The following PRKN variants were observed in gnomAD, a reference collection of about 807,000 sequenced individuals.
PRKN encodes the protein parkin RBR E3 ubiquitin protein ligase, also known as E3 ubiquitin-protein ligase parkin.
In PRKN, 56 loss-of-function variants were observed where a neutral mutation model predicts 59.5. That is an observed-to-expected ratio of 0.94 (90% CI 0.76 to 1.18). The LOEUF (loss-of-function observed/expected upper bound fraction) is 1.18. Among genes scored for constraint, PRKN ranks in the 50% most tolerant of loss-of-function variants. PRKN has a pLI of 0.00. For missense variants in PRKN, 657 were observed against 596.4 expected, an observed-to-expected ratio of 1.10 and a Z score of -1.06; for synonymous variants, 250 against 222.1, an observed-to-expected ratio of 1.13 and a Z score of -1.12.
intron 7 of PRKN, among the ~76,000 whole-genome samples, chr6:161,683,464 G>T (rs1316382831): frequency 6.6e-6 from 1 of 152,200 alleles, no homozygotes; most frequent in Non-Finnish European, 1.5e-5. Flanking sequence ...TTTAACAGAA[G>T]ACGAACAAAG....
chr6:161,834,925 G>GTAGCAAA (rs1792681969), intron 6 of PRKN, among the ~76,000 whole-genome samples: 1 of 152,136 alleles, frequency 6.6e-6, no homozygotes, highest in South Asian at 2.1e-4. Context: ...GACTGAACAT[G>GTAGCAAA]TAGCAAATAA....
chr6:161,880,131 A>G (rs1472024438), intron 6 of PRKN, among the ~76,000 whole-genome samples: 1 of 152,230 alleles, frequency 6.6e-6, no homozygotes, highest in Non-Finnish European at 1.5e-5. Context: ...TGGTATATGT[A>G]GATACTGCTA....
chr6:162,600,898 C>A (rs897130279), intron 1 of PRKN, among the ~76,000 whole-genome samples: 2 of 103,510 alleles, frequency 1.9e-5, no homozygotes, highest in African/African-American at 2.7e-5. Context: ...GAACCATAAG[C>A]CAATTAAACT....
At position 161,762,517 on chromosome 6, in the gene PRKN, G is replaced by GT. The variant is rs573316416; in HGVS notation, c.871+23254dup. 1.3e-3 allele frequency among the ~76,000 whole-genome samples: 199 copies of GT among 152,302 alleles called. 1 individual carries two copies. The highest frequency in any genetic ancestry group is 4.6e-3 in the African/African-American group (192 of 41,570). The stretch of plus-strand genomic sequence containing the variant: ...CTGTGCAATGGACATTTCTATGACG[G>GT]TGGAAATACTCTATGCCTGAACTAA... On this transcript the variant is annotated intron_variant, in intron 7 of 11. Coordinates refer to ENST00000366898, the MANE Select transcript of PRKN (RefSeq NM_004562.3).
At chr6:161,382,502 T>C (rs749886217) in intron 10 of PRKN, among the ~76,000 whole-genome samples, 10 of 152,316 alleles carry the variant, frequency 6.6e-5, no homozygotes, top group Non-Finnish European at 1.2e-4. Context: ...TCCTGCTGAA[T>C]AGGGAGAGGA....
At chr6:162,491,421 G>C (rs1792810380) in intron 1 of PRKN, among the ~76,000 whole-genome samples, 1 of 152,202 alleles carries the variant, frequency 6.6e-6, no homozygotes, top group South Asian at 2.1e-4. Context: ...CCAGGGCCCA[G>C]ACAGAGGTGA....
chr6:161,866,317 T>G (rs773027821), intron 6 of PRKN, among the ~76,000 whole-genome samples: 3 of 152,200 alleles, frequency 2.0e-5, no homozygotes, highest in Non-Finnish European at 2.9e-5. Flanking sequence ...GACTCACACC[T>G]GTAATCCCAG....
intron 2 of PRKN, among the ~76,000 whole-genome samples, chr6:162,346,356 C>G (rs1019189615): frequency 2.6e-5 from 4 of 151,236 alleles, no homozygotes; most frequent in African/African-American, 9.8e-5. Context: ...TGGCTCACAC[C>G]TGTAATCTCA....
At chr6:162,477,686 C>T (rs1366903443) in intron 1 of PRKN, among the ~76,000 whole-genome samples, 1 of 152,158 alleles carries the variant, frequency 6.6e-6, no homozygotes, top group Non-Finnish European at 1.5e-5. Context: ...TCCTCCTCCT[C>T]TCTGCTGCGG....
intron 4 of PRKN, among the ~76,000 whole-genome samples, chr6:162,139,339 T>C (rs141877487): frequency 1.5e-3 from 228 of 152,272 alleles, no homozygotes; most frequent in African/African-American, 5.1e-3. Flanking sequence ...TTAGAATAAG[T>C]ATCTACAAAA....
chr6:161,842,149 T>C (rs937306054), intron 6 of PRKN, among the ~76,000 whole-genome samples: 13 of 152,022 alleles, frequency 8.6e-5, no homozygotes, highest in Admixed American at 7.9e-4. Flanking sequence ...CCCTTTCAAA[T>C]ATGAGAACAT....
intron 10 of PRKN, among the ~76,000 whole-genome samples, chr6:161,367,979 C>A (rs73600943): frequency 0.033 from 4,994 of 152,132 alleles, 278 homozygotes; most frequent in African/African-American, 0.11. Flanking sequence ...AATCGGAGCC[C>A]CGAGCTGCCT....
intron 1 of PRKN, among the ~76,000 whole-genome samples, chr6:162,700,208 A>G (rs1778104197): frequency 6.6e-6 from 1 of 152,126 alleles, no homozygotes; most frequent in Non-Finnish European, 1.5e-5. Context: ...TGTTAAACAA[A>G]TTTGTAAGTC....
chr6:161,753,257 A>C (rs1788769912), intron 7 of PRKN, among the ~76,000 whole-genome samples: 1 of 152,166 alleles, frequency 6.6e-6, no homozygotes, highest in Non-Finnish European at 1.5e-5. Flanking sequence ...AGAAGCTAAT[A>C]AAGGAGACAG....
intron 1 of PRKN, among the ~76,000 whole-genome samples, chr6:162,609,111 G>C (rs1383594257): frequency 6.6e-6 from 1 of 152,188 alleles, no homozygotes; most frequent in Non-Finnish European, 1.5e-5. Context: ...AAGCTAGAAA[G>C]AAACATAAAG....
intron 7 of PRKN, among the ~76,000 whole-genome samples, chr6:161,673,080 C>T (rs879794183): frequency 2.0e-5 from 3 of 152,116 alleles, no homozygotes; most frequent in African/African-American, 4.8e-5. Flanking sequence ...CATAATCACC[C>T]GTGCAGAACA....
At chr6:161,920,213 G>A (rs1778728169) in intron 6 of PRKN, among the ~76,000 whole-genome samples, 1 of 152,160 alleles carries the variant, frequency 6.6e-6, no homozygotes, top group South Asian at 2.1e-4. Flanking sequence ...GTGAAACCCT[G>A]TCTCTACTCA....
chr6:162,069,623 C>T (rs1778490082), intron 4 of PRKN, among the ~76,000 whole-genome samples: 1 of 152,158 alleles, frequency 6.6e-6, no homozygotes, highest in Non-Finnish European at 1.5e-5. Context: ...ATTATAGAAG[C>T]AGTTAACTAA....
intron 1 of PRKN, among the ~76,000 whole-genome samples, chr6:162,623,830 C>T (rs909872683): frequency 5.3e-5 from 8 of 152,106 alleles, no homozygotes; most frequent in Admixed American, 5.2e-4. Context: ...CATACCTACA[C>T]ATATATAAAA....
Sources: allele counts gnomAD v4.1 joint callset (sites outside exome capture counted in the v4.1 genomes callset), GRCh38; gene constraint gnomAD v4.1.1; transcripts MANE v1.5; gene names NCBI Gene and HGNC (gene_info 2026-07-23, HGNC 2026-07-21).